Variants in EBF4 observed in about 807,000 individuals in gnomAD.
The protein encoded by EBF4 is EBF transcription factor 4, also known as transcription factor COE4.
A neutral mutation model predicts 67.1 loss-of-function variants in EBF4; 34 were observed. That is an observed-to-expected ratio of 0.51 (90% CI 0.39 to 0.67). EBF4 has a LOEUF of 0.67. Ranked by LOEUF, EBF4 falls within the 30% of genes least tolerant of loss-of-function variation. The probability of loss-of-function intolerance (pLI) is 0.00; values close to 1 mark genes in which losing one functional copy is unlikely to be tolerated. For synonymous variants in EBF4, 387 were observed against 377.7 expected (o/e 1.02, Z -0.29); for missense variants, 837 against 873.3 (o/e 0.96, Z 0.52).
At chr20:2,705,394 C>A (rs555161758) in intron 1 of EBF4, among the ~76,000 whole-genome samples, 183 bp from the exon 2 acceptor site, 28 of 152,280 alleles carry the variant, frequency 1.8e-4, no homozygotes, top group Non-Finnish European at 3.4e-4. Context: ...TGCTGAGAGA[C>A]CTCTATCTGG....
intron 6 of EBF4, among the ~76,000 whole-genome samples, chr20:2,728,648 C>G (rs1031097707): frequency 1.3e-5 from 2 of 151,618 alleles, no homozygotes; most frequent in South Asian, 4.2e-4. Context: ...TCAAATCCCC[C>G]ATCCAGGACC....
intron 6 of EBF4, among the ~76,000 whole-genome samples, chr20:2,719,634 G>A (rs1305074648): frequency 6.6e-6 from 1 of 152,030 alleles, no homozygotes; most frequent in South Asian, 2.1e-4. Context: ...CGAACTACAG[G>A]GCTCAAGCAA....
In EBF4 at chr20:2,747,924, A is replaced by G. The variant is rs16990611; in HGVS notation, c.558-625A>G. Among the ~76,000 whole-genome samples, 23,178 of 152,020 alleles carry G rather than the reference A, an allele frequency of 0.15. 2,015 individuals are homozygous for G. The highest frequency in any genetic ancestry group is 0.24 in the African/African-American group (9,936 of 41,408). The stretch of plus-strand genomic sequence containing the variant: ...TGTTGTTTATGCTTGTGTGAAGGTT[A>G]TACCCCGAGTGTGTGTGATGGCTGT... On this transcript the variant is annotated intron_variant, in intron 6 of 16. Transcript: ENST00000609451. The surrounding 1 kb of genome is among the most constrained non-coding windows in gnomAD (Gnocchi z 4.6).
At chr20:2,713,184 G>A (rs1410490025) in intron 6 of EBF4, among the ~76,000 whole-genome samples, 2 of 152,198 alleles carry the variant, frequency 1.3e-5, no homozygotes, top group Non-Finnish European at 2.9e-5. Flanking sequence ...GCAAGAGAGA[G>A]GGGAGAATTG....
intron 6 of EBF4, among the ~76,000 whole-genome samples, chr20:2,744,492 C>CTTTTTTTT (rs35298353): frequency 8.6e-5 from 10 of 115,890 alleles, no homozygotes; most frequent in African/African-American, 3.0e-4. Context: ...TTTTTCTTTT[C>CTTTTTTTT]TTTTTTTTTT....
intron 16 of EBF4, 87 bp downstream of exon 16, chr20:2,759,071 G>T: frequency 7.8e-7 from 1 of 1,284,218 alleles, no homozygotes; most frequent in South Asian, 1.3e-5. Context: ...CTGTGCTCAA[G>T]CCTCCCCGCT....
At chr20:2,750,874 GA>G (rs113349350) in intron 10 of EBF4, among the ~76,000 whole-genome samples, 5 of 152,180 alleles carry the variant, frequency 3.3e-5, no homozygotes, top group African/African-American at 1.2e-4. Context: ...CAGAAGGAAT[GA>G]TAAGGACCGA....
chr20:2,719,027 A>G (rs2087645350), intron 6 of EBF4, among the ~76,000 whole-genome samples: 1 of 152,140 alleles, frequency 6.6e-6, no homozygotes, highest in South Asian at 2.1e-4. Context: ...TTTTTGACCC[A>G]CATGTTACTT....
chr20:2,708,086 C>T, intron 5 of EBF4, 66 bp downstream of exon 5: 2 of 1,497,274 alleles, frequency 1.3e-6, no homozygotes, highest in Non-Finnish European at 1.8e-6. Context: ...TCTACCCAGG[C>T]CCTGCCCCCT....
intron 6 of EBF4, among the ~76,000 whole-genome samples, chr20:2,744,072 TTTA>T (rs1250111319): frequency 1.2e-5 from 1 of 80,402 alleles, no homozygotes; most frequent in African/African-American, 9.8e-5. Flanking sequence ...AAAGTTTTTA[TTTA>T]TTTTTTTTAT....
At position 2,708,105 on chromosome 20, in the gene EBF4, T is replaced by C. The variant is rs928039717; in HGVS notation, c.488+85T>C. 7.1e-6 allele frequency: 10 copies of C among 1,400,084 alleles called. No individual in the cohort carries two copies. The African/African-American group carries it at 1.4e-4, about 20-fold the overall frequency. The allele number at this position is 1,400,084 out of a possible 1,614,324, so 86.7% of individuals were successfully genotyped here. ...CCCAGGCCCTGCCCCCTCGCCGCCC[T>C]TGCCCCTGGCTGCTCTCTGCTGCTG... On this transcript the variant is annotated intron_variant, in intron 5 of 16. Coordinates refer to ENST00000609451, the Ensembl canonical transcript of EBF4.
At chr20:2,741,209 G>C (rs1302194504) in intron 6 of EBF4, among the ~76,000 whole-genome samples, 1 of 152,104 alleles carries the variant, frequency 6.6e-6, no homozygotes, top group East Asian at 1.9e-4. Flanking sequence ...CTGCTCAGGA[G>C]GCTGAGGTGA....
chr20:2,741,314 A>G (rs1360063302), intron 6 of EBF4, among the ~76,000 whole-genome samples: 1 of 152,042 alleles, frequency 6.6e-6, no homozygotes, highest in African/African-American at 2.4e-5. Flanking sequence ...CCTGACTGAA[A>G]AAAAAAAGCA....
At chr20:2,694,473 G>A (rs2087260049) in intron 1 of EBF4, among the ~76,000 whole-genome samples, 1 of 152,174 alleles carries the variant, frequency 6.6e-6, no homozygotes, top group African/African-American at 2.4e-5. Context: ...GTCTCAGTAG[G>A]GGGTTGACTC....
chr20:2,693,674 G>T lies in EBF4; in HGVS notation c.29G>T (p.Arg10Leu). 1.4e-6 allele frequency: 2 copies of T among 1,443,220 alleles called. No individual in the cohort carries two copies. Among genetic ancestry groups the T allele is most frequent in the East Asian group, 3.0e-5 (1 of 33,104 alleles). 89.4% of individuals were successfully genotyped at this position (1,443,220 alleles called of 1,614,324 possible). ...TTCCCTGCGCAGGACGCTCTGCCCCGCAGCGGGCTGAACCTGAAGGAGGAG... is the reference window on the plus strand; with the variant it reads ...TTCCCTGCGCAGGACGCTCTGCCCCTCAGCGGGCTGAACCTGAAGGAGGAG... The change falls in exon 1 of 17, where the codon CGC becomes CTC. Residue 10 changes from arginine (R) to leucine (L), a missense_variant. Physicochemically the swap from Arg to Leu is moderately radical, Grantham distance 102. Around this residue, in one of 3 missense-constraint regions of EBF4, gnomAD observed 86 missense variants for 70.3 expected, o/e 1.22. Transcript: ENST00000609451. This position sits in a 1 kb window ranked among gnomAD's most constrained non-coding sequence, Gnocchi z 4.6.
chr20:2,754,411 G>A (rs1188586217), intron 14 of EBF4, among the ~76,000 whole-genome samples: 1 of 152,142 alleles, frequency 6.6e-6, no homozygotes, highest in Non-Finnish European at 1.5e-5. Flanking sequence ...GGTACAAAAT[G>A]TGGCCGTGAG....
chr20:2,697,417 C>T (rs562838693), intron 1 of EBF4, among the ~76,000 whole-genome samples: 19 of 151,998 alleles, frequency 1.3e-4, no homozygotes, highest in South Asian at 6.2e-4. Flanking sequence ...TGGTGGCGGG[C>T]GCCTGTAGTC....
intron 1 of EBF4, among the ~76,000 whole-genome samples, chr20:2,694,595 T>C (rs755589333): frequency 9.2e-5 from 14 of 152,158 alleles, no homozygotes; most frequent in Non-Finnish European, 1.9e-4. Flanking sequence ...TTAGGTATCC[T>C]ATGGGGAGTC....
exon 3 of EBF4, chr20:2,705,984 C>A (rs760026059): frequency 1.9e-6 from 3 of 1,551,344 alleles, no homozygotes; most frequent in South Asian, 1.2e-5. Flanking sequence ...GAGCCCGGGG[C>A]GGAAAAGACT....
Sources: allele counts gnomAD v4.1 joint callset (sites outside exome capture counted in the v4.1 genomes callset), GRCh38; gene constraint gnomAD v4.1.1; regional missense constraint gnomAD v4.1.1; non-coding constraint Gnocchi (gnomAD v3.1); transcripts MANE v1.5; gene names NCBI Gene and HGNC (gene_info 2026-07-23, HGNC 2026-07-21).